Variants in CNTLN observed in about 807,000 individuals in gnomAD.
The protein encoded by CNTLN is centlein.
In CNTLN, 212 loss-of-function variants were observed where a neutral mutation model predicts 180.0. That is an observed-to-expected ratio of 1.18 (90% CI 1.05 to 1.32). CNTLN has a LOEUF of 1.32. CNTLN is among the 40% of genes most tolerant of loss of function. The probability of loss-of-function intolerance (pLI) is 0.00; values close to 1 mark genes in which losing one functional copy is unlikely to be tolerated. For missense variants in CNTLN, 2,095 were observed against 1,610.9 expected, an observed-to-expected ratio of 1.30 and a Z score of -5.14; for synonymous variants, 722 against 563.1, an observed-to-expected ratio of 1.28 and a Z score of -3.99.
intron 25 of CNTLN, 97 bp from the exon 26 acceptor site, chr9:17,502,454 C>T: frequency 5.2e-6 from 3 of 580,384 alleles, no homozygotes; most frequent in Non-Finnish European, 8.8e-6. Context: ...TGCAAAGTTG[C>T]AGACATCTAA....
chr9:17,376,384 T>A (rs1045738363), intron 13 of CNTLN, among the ~76,000 whole-genome samples: 2 of 152,090 alleles, frequency 1.3e-5, no homozygotes, highest in African/African-American at 4.8e-5. Flanking sequence ...TCACAACATG[T>A]TAGAGATAAA....
At chr9:17,218,770 T>G (rs921635837) in intron 2 of CNTLN, among the ~76,000 whole-genome samples, 6 of 152,196 alleles carry the variant, frequency 3.9e-5, no homozygotes, top group Non-Finnish European at 8.8e-5. Flanking sequence ...TTTATTTTGT[T>G]TATAAATTCA....
At position 17,308,241 on chromosome 9, in the gene CNTLN, T is replaced by C. The variant is rs532920094; in HGVS notation, c.1147-817T>C. Among the ~76,000 whole-genome samples the C allele has an allele frequency of 8.0e-3, 794 of 99,120 alleles. 5 individuals carry two copies. The highest frequency in any genetic ancestry group is 0.012 in the Admixed American group (126 of 10,382). 65.0% of individuals were successfully genotyped at this position (99,120 alleles called of 152,430 possible). A position where few individuals can be genotyped will look rare whatever the true frequency, so the allele number is the denominator to read the frequency against. Reference sequence around the variant, plus strand: ...CTCATAGTTTTAATAAACTTAAATTTATTTAATGCATATTGCCTTGACTTA... The same window carrying C: ...CTCATAGTTTTAATAAACTTAAATTCATTTAATGCATATTGCCTTGACTTA... On this transcript the variant is annotated intron_variant, in intron 7 of 25. Transcript: ENST00000380647.
chr9:17,150,575 A>G (rs1170030715), intron 2 of CNTLN, among the ~76,000 whole-genome samples: 1 of 152,188 alleles, frequency 6.6e-6, no homozygotes, highest in Non-Finnish European at 1.5e-5. Context: ...GTTTGAAGTC[A>G]GGTAGCATGA....
intron 5 of CNTLN, among the ~76,000 whole-genome samples, chr9:17,266,034 T>G (rs1296640536): frequency 6.6e-6 from 1 of 152,156 alleles, no homozygotes; most frequent in Non-Finnish European, 1.5e-5. Context: ...GTGTTTCTAT[T>G]TCCTTCAGTT....
Position 17,457,537 on chromosome 9 carries a change from AT to A in CNTLN, c.3131del (p.Leu1044TrpfsTer12). On this transcript the variant is annotated frameshift_variant, in exon 19 of 26. Transcript: ENST00000380647. LOFTEE classifies it high-confidence loss of function. ...SRQTIKKLNL[D>X]LAGLRKEKED... ...TTTAAAAAAAAGAAGCTAAATTTGG[AT>A]TTGGCTGGGCTTCGGAAAGAAAAAG... 1 of 1,470,528 alleles carries A rather than the reference AT, an allele frequency of 6.8e-7. No homozygotes were observed. Among genetic ancestry groups the A allele is most frequent in the Non-Finnish European group, 9.0e-7 (1 of 1,109,748 alleles). 91.1% of individuals were successfully genotyped at this position (1,470,528 alleles called of 1,614,324 possible).
Position 17,172,578 on chromosome 9 carries a change from T to G in CNTLN, c.449+29202T>G, listed in dbSNP as rs144475109. ...GGCTGGTATTTCTTACTCTGTCATC[T>G]TGCTGTATACTGCCTTTAAATAATA... On this transcript the variant is annotated intron_variant, in intron 2 of 25. Transcript: ENST00000380647. Among the ~76,000 whole-genome samples, 243 of 152,340 alleles carry G rather than the reference T, an allele frequency of 1.6e-3. 1 individual carries two copies. The highest frequency in any genetic ancestry group is 5.6e-3 in the African/African-American group (234 of 41,588).
intron 6 of CNTLN, among the ~76,000 whole-genome samples, chr9:17,281,199 G>A (rs900268796): frequency 6.6e-6 from 1 of 152,062 alleles, no homozygotes; most frequent in African/African-American, 2.4e-5. Flanking sequence ...CTTCCTCTAA[G>A]TATTCACAAT....
chr9:17,356,044 A>G (rs868720586), intron 12 of CNTLN, among the ~76,000 whole-genome samples: 4 of 145,864 alleles, frequency 2.7e-5, no homozygotes, highest in Admixed American at 1.4e-4. Flanking sequence ...AGCCTGGGCA[A>G]CAAAGCGAGA....
At chr9:17,292,603 C>A (rs943809767) in intron 6 of CNTLN, among the ~76,000 whole-genome samples, 1 of 152,016 alleles carries the variant, frequency 6.6e-6, no homozygotes, top group African/African-American at 2.4e-5. Context: ...GCTGTTGATA[C>A]TTATGGTTGC....
At chr9:17,245,271 A>T (rs1443272034) in intron 5 of CNTLN, among the ~76,000 whole-genome samples, 1 of 151,632 alleles carries the variant, frequency 6.6e-6, no homozygotes, top group South Asian at 2.1e-4. Flanking sequence ...TTTGTCTGGG[A>T]AAGTCTTTTG....
intron 2 of CNTLN, among the ~76,000 whole-genome samples, chr9:17,160,312 T>A (rs995662206): frequency 2.0e-5 from 3 of 152,194 alleles, no homozygotes; most frequent in African/African-American, 7.2e-5. Context: ...TGTCGTGCCA[T>A]GTCTAATTCA....
At chr9:17,292,014 C>A (rs905367051) in intron 6 of CNTLN, among the ~76,000 whole-genome samples, 2 of 152,160 alleles carry the variant, frequency 1.3e-5, no homozygotes, top group Non-Finnish European at 2.9e-5. Context: ...ATTACCTCAG[C>A]ATTTGCTTCT....
chr9:17,157,434 G>C (rs76769132), intron 2 of CNTLN, among the ~76,000 whole-genome samples: 1 of 152,150 alleles, frequency 6.6e-6, no homozygotes, highest in African/African-American at 2.4e-5. Context: ...GTAGAGAAAG[G>C]GGGTGGGGTA....
At chr9:17,243,745 G>C (rs1213629545) in intron 5 of CNTLN, among the ~76,000 whole-genome samples, 1 of 152,168 alleles carries the variant, frequency 6.6e-6, no homozygotes, top group Non-Finnish European at 1.5e-5. Flanking sequence ...CTATCCTTGA[G>C]AACGAGCTAC....
chr9:17,190,011 A>G (rs913754893), intron 2 of CNTLN, among the ~76,000 whole-genome samples: 8 of 151,438 alleles, frequency 5.3e-5, no homozygotes, highest in African/African-American at 1.5e-4. Context: ...CTCTCTCTCA[A>G]TGCAGCTCCA....
chr9:17,512,082 A>G, the CNTLN span, among the ~76,000 whole-genome samples: 34 of 152,326 alleles, frequency 2.2e-4, no homozygotes, highest in African/African-American at 7.9e-4. Context: ...GGACAGCACA[A>G]TTATTCTTCC....
chr9:17,441,929 T>C (rs150381307), intron 18 of CNTLN, among the ~76,000 whole-genome samples: 12 of 152,090 alleles, frequency 7.9e-5, no homozygotes, highest in African/African-American at 2.4e-4. Flanking sequence ...CAAAAACCAT[T>C]ATAAGAGACA....
At chr9:17,272,921 C>A (rs967225219) in intron 5 of CNTLN, among the ~76,000 whole-genome samples, 2 of 152,084 alleles carry the variant, frequency 1.3e-5, no homozygotes, top group African/African-American at 2.4e-5. Context: ...TTTCTCCCCT[C>A]TGTCTTCCTC....
Sources: allele counts gnomAD v4.1 joint callset (sites outside exome capture counted in the v4.1 genomes callset), GRCh38; gene constraint gnomAD v4.1.1; transcripts MANE v1.5; gene names NCBI Gene and HGNC (gene_info 2026-07-23, HGNC 2026-07-21).